Variants in FAM117B observed in about 807,000 individuals in gnomAD.
The protein encoded by FAM117B is protein FAM117B.
Under a neutral mutation model 52.8 loss-of-function variants are expected in FAM117B, and 22 were observed. That is an observed-to-expected ratio of 0.42 (90% confidence interval 0.30 to 0.59). The LOEUF (loss-of-function observed/expected upper bound fraction) is 0.59, where lower values mean the gene tolerates loss of function less well. Among genes scored for constraint, FAM117B ranks in the 20% least tolerant of loss-of-function variants. The pLI is 0.22. For synonymous variants in FAM117B, 309 were observed against 324.1 expected, an observed-to-expected ratio of 0.95 and a Z score of 0.50; for missense variants, 678 against 802.6, an observed-to-expected ratio of 0.84 and a Z score of 1.88.
rs1340954124 is a variant in FAM117B, at chr2:202,662,119, GGTGTGTGTGTGTGTGTGTGTAT to G, written c.601+26338_601+26359del. ...GAGTGGATAAAGAAAATGTGAGGTA[GGTGTGTGTGTGTGTGTGTGTAT>G]GTGTGTATGTGTGTGTGTGTACGTG... On this transcript the variant is annotated intron_variant, in intron 1 of 7. Coordinates refer to ENST00000392238, the MANE Select transcript of FAM117B (RefSeq NM_173511.4). Among the ~76,000 whole-genome samples, 58 of 149,686 alleles carry G rather than the reference GGTGTGTGTGTGTGTGTGTGTAT, an allele frequency of 3.9e-4. 1 individual carries two copies. The highest frequency in any genetic ancestry group is 1.4e-3 in the African/African-American group (56 of 40,818).
intron 4 of FAM117B, among the ~76,000 whole-genome samples, chr2:202,727,413 AC>A (rs1691260955): frequency 6.6e-6 from 1 of 152,162 alleles, no homozygotes; most frequent in African/African-American, 2.4e-5. Flanking sequence ...ACAAAAATAT[AC>A]ATTTGACTCT....
chr2:202,759,903 G>A (rs1380103588), intron 7 of FAM117B, among the ~76,000 whole-genome samples: 2 of 151,750 alleles, frequency 1.3e-5, no homozygotes, highest in Non-Finnish European at 2.9e-5. Context: ...GTCTCACTGT[G>A]TTGTCCAGGC....
chr2:202,724,757 T>C (rs1163322635), intron 2 of FAM117B, among the ~76,000 whole-genome samples, 160 bp from the exon 3 acceptor site: 3 of 152,310 alleles, frequency 2.0e-5, no homozygotes, highest in East Asian at 1.9e-4. Flanking sequence ...TTAATACCAG[T>C]TAAGTAACTG....
chr2:202,737,404 C>T (rs1691456344), intron 4 of FAM117B, among the ~76,000 whole-genome samples: 2 of 152,138 alleles, frequency 1.3e-5, no homozygotes, highest in Admixed American at 6.5e-5. Flanking sequence ...AACATTCCCT[C>T]ATTCTTTTCC....
intron 2 of FAM117B, among the ~76,000 whole-genome samples, chr2:202,705,825 C>T (rs1690862404): frequency 6.6e-6 from 1 of 152,124 alleles, no homozygotes; most frequent in Admixed American, 6.6e-5. Context: ...GCTGACTATA[C>T]CAATTTAGGG....
chr2:202,681,567 A>G (rs569581350), intron 1 of FAM117B, among the ~76,000 whole-genome samples: 1 of 152,360 alleles, frequency 6.6e-6, no homozygotes, highest in East Asian at 1.9e-4. Flanking sequence ...CAAAATGACA[A>G]GGGGGTTAAT....
At chr2:202,665,740 A>G (rs932394551) in intron 1 of FAM117B, among the ~76,000 whole-genome samples, 2 of 152,178 alleles carry the variant, frequency 1.3e-5, no homozygotes, top group African/African-American at 4.8e-5. Flanking sequence ...AGCTGGGACT[A>G]CAGGTGCATG....
chr2:202,727,451 G>T (rs1457478830), intron 4 of FAM117B, among the ~76,000 whole-genome samples: 1 of 151,778 alleles, frequency 6.6e-6, no homozygotes, highest in East Asian at 1.9e-4. Flanking sequence ...TGCATTTATG[G>T]ATTCAACCAA....
chr2:202,696,722 AGTTTTATACTT>A (rs370035852), intron 2 of FAM117B, among the ~76,000 whole-genome samples: 141 of 152,296 alleles, frequency 9.3e-4, no homozygotes, highest in Non-Finnish European at 1.5e-3. Context: ...CTGGAAGCAA[AGTTTTATACTT>A]CTGGGTTTGT....
rs973742167 is a variant in FAM117B at position 202,726,421 on chromosome 2, T to C, written c.960+58T>C. On this transcript the variant is annotated intron_variant, in intron 4 of 7. Transcript: ENST00000392238. ...GGAATTTGTTGTTTTTCTGGTGATT[T>C]GTTATTTCATTGGTAATTGTTTAGG... The C allele has an allele frequency of 2.3e-6, 3 of 1,287,234 alleles. No homozygotes were observed. In the African/African-American group the frequency reaches 4.4e-5, roughly 19 times the overall value. The allele number at this position is 1,287,234 out of a possible 1,614,324, so 79.7% of individuals were successfully genotyped here.
Position 202,755,510 on chromosome 2 carries a change from C to T in FAM117B, c.961-28C>T, listed in dbSNP as rs114111492. On this transcript the variant is annotated intron_variant, in intron 4 of 7. Coordinates refer to ENST00000392238, the MANE Select transcript of FAM117B (RefSeq NM_173511.4). ...TAGAAAATTAAAAGGTAATGTTAAG[C>T]CTCTCTTCTCCATCCCATTTTCTTA... is the stretch of plus-strand genomic sequence containing the variant. 2,017 of 1,609,304 alleles carry T rather than the reference C, an allele frequency of 1.3e-3. 26 individuals are homozygous for T. In the African/African-American group the frequency reaches 0.024, roughly 19 times the overall value.
intron 4 of FAM117B, among the ~76,000 whole-genome samples, chr2:202,742,646 A>G (rs1691561283): frequency 6.6e-6 from 1 of 152,212 alleles, no homozygotes; most frequent in Non-Finnish European, 1.5e-5. Flanking sequence ...CAAAATTCAT[A>G]ATCAACAAAA....
chr2:202,673,471 G>GTTTTTTTTTTTTTTTT (rs1690332760), intron 1 of FAM117B, among the ~76,000 whole-genome samples: 1 of 46,812 alleles, frequency 2.1e-5, no homozygotes, highest in African/African-American at 1.3e-4. Flanking sequence ...TTTTTGAGAC[G>GTTTTTTTTTTTTTTTT]TTGTCTTGCT....
intron 1 of FAM117B, among the ~76,000 whole-genome samples, chr2:202,694,086 A>G (rs1041510050): frequency 7.9e-5 from 12 of 152,086 alleles, no homozygotes; most frequent in African/African-American, 2.7e-4. Context: ...TTTATTTTCC[A>G]ATTATTAAAT....
chr2:202,766,267 T>C lies in FAM117B; in HGVS notation c.*503T>C, dbSNP rs981506663. On this transcript the variant is annotated 3_prime_UTR_variant, in exon 8 of 8. Transcript: ENST00000392238. Reference sequence around the variant, plus strand: ...AGATTCTTTGGTGGCCTCTGTTTCTTGTTCCCTTTCTAGATGTGTGCTTTT... The same window carrying C: ...AGATTCTTTGGTGGCCTCTGTTTCTCGTTCCCTTTCTAGATGTGTGCTTTT... The C allele has an allele frequency of 6.5e-6, 1 of 153,768 alleles. No individual in the cohort carries two copies. Among genetic ancestry groups the C allele is most frequent in the Admixed American group, 6.5e-5 (1 of 15,422 alleles). The allele number at this position is 153,768 out of a possible 1,614,324, so 9.5% of individuals were successfully genotyped here.
In FAM117B at chr2:202,729,052, C is replaced by T. The variant is rs369161660; in HGVS notation, c.960+2689C>T. ...AGTACTCATGTTTAATTGAAACTCA[C>T]GCTGGCCGGGCACGGTGGCTCACGC... is the stretch of plus-strand genomic sequence containing the variant. On this transcript the variant is annotated intron_variant, in intron 4 of 7. Coordinates refer to ENST00000392238, the MANE Select transcript of FAM117B (RefSeq NM_173511.4). Among the ~76,000 whole-genome samples the T allele has an allele frequency of 4.8e-4, 73 of 152,260 alleles. No individual in the cohort carries two copies. The East Asian group carries it at 0.011, about 23-fold the overall frequency.
chr2:202,649,053 A>G lies in FAM117B; in HGVS notation c.601+13265A>G, dbSNP rs918853496. On this transcript the variant is annotated intron_variant, in intron 1 of 7. Transcript: ENST00000392238. ...AGGCATGAGCCACCGTGCCCGGCTG[A>G]CAAATTCTTAGAAATAGAATTTTTT... is the stretch of plus-strand genomic sequence containing the variant. 5.9e-5 allele frequency among the ~76,000 whole-genome samples: 9 copies of G among 152,284 alleles called. No individual in the cohort carries two copies. In the East Asian group the frequency reaches 1.7e-3, roughly 29 times the overall value.
At chr2:202,654,092 A>T (rs970472308) in intron 1 of FAM117B, among the ~76,000 whole-genome samples, 143 of 149,304 alleles carry the variant, frequency 9.6e-4, no homozygotes, top group African/African-American at 3.6e-3. Context: ...AGAGAGAGAG[A>T]GAGAGTGAGA....
chr2:202,642,050 C>T (rs1478999866), intron 1 of FAM117B, among the ~76,000 whole-genome samples: 1 of 150,760 alleles, frequency 6.6e-6, no homozygotes, highest in Non-Finnish European at 1.5e-5. Context: ...TCAAGCCATT[C>T]TCCTGCCTCA....
Sources: allele counts gnomAD v4.1 joint callset (sites outside exome capture counted in the v4.1 genomes callset), GRCh38; gene constraint gnomAD v4.1.1; transcripts MANE v1.5; gene names NCBI Gene and HGNC (gene_info 2026-07-23, HGNC 2026-07-21).